The following FILIP1L variants were observed in gnomAD, a reference collection of about 807,000 sequenced individuals.
The protein encoded by FILIP1L is filamin A interacting protein 1 like, also known as filamin A-interacting protein 1-like.
Under a neutral mutation model 96.6 loss-of-function variants are expected in FILIP1L, and 55 were observed. The ratio of observed to expected loss-of-function variants is 0.57; its 90% confidence interval spans 0.46 to 0.71. The LOEUF (loss-of-function observed/expected upper bound fraction) is 0.71, where lower values mean the gene tolerates loss of function less well. FILIP1L is among the 30% of genes least tolerant of loss of function. FILIP1L has a pLI of 0.00. For synonymous variants in FILIP1L, 467 were observed against 473.9 expected (o/e 0.99, Z 0.19); for missense variants, 1,304 against 1,321.2 (o/e 0.99, Z 0.20).
At chr3:99,907,593 G>A (rs181018635) in intron 4 of FILIP1L, among the ~76,000 whole-genome samples, 62 of 152,210 alleles carry the variant, frequency 4.1e-4, no homozygotes, top group South Asian at 2.1e-3. Context: ...ACATAACATT[G>A]CACCCATAGC....
At chr3:100,062,404 C>G (rs914911293) in intron 1 of FILIP1L, among the ~76,000 whole-genome samples, 3 of 152,100 alleles carry the variant, frequency 2.0e-5, no homozygotes, top group African/African-American at 7.2e-5. Flanking sequence ...AGCCACCGCG[C>G]CCGGTCTATC....
At chr3:100,098,208 A>G (rs2066244318) in intron 1 of FILIP1L, among the ~76,000 whole-genome samples, 1 of 152,208 alleles carries the variant, frequency 6.6e-6, no homozygotes, top group Non-Finnish European at 1.5e-5. Context: ...ACATTTTATG[A>G]CAGGTAAAAA....
chr3:99,974,645 T>G (rs1490790434), intron 1 of FILIP1L, among the ~76,000 whole-genome samples: 3 of 151,984 alleles, frequency 2.0e-5, no homozygotes, highest in African/African-American at 7.3e-5. Context: ...AGGCGGAGGT[T>G]GTGATGAGCC....
intron 1 of FILIP1L, among the ~76,000 whole-genome samples, chr3:100,004,128 G>A (rs1159130426): frequency 6.6e-6 from 1 of 152,108 alleles, no homozygotes; most frequent in Non-Finnish European, 1.5e-5. Context: ...CCTGCATGAT[G>A]CCTTCCTAGG....
intron 1 of FILIP1L, among the ~76,000 whole-genome samples, chr3:100,109,192 C>A (rs1196513864): frequency 1.3e-5 from 2 of 151,384 alleles, no homozygotes; most frequent in Non-Finnish European, 2.9e-5. Flanking sequence ...TTTAAGGGTT[C>A]TTTTTCTTTT....
At chr3:100,076,283 C>T (rs1299281433) in intron 1 of FILIP1L, among the ~76,000 whole-genome samples, 2 of 152,114 alleles carry the variant, frequency 1.3e-5, no homozygotes, top group African/African-American at 2.4e-5. Flanking sequence ...ATATATTTTT[C>T]CCTCTCTAAA....
At chr3:100,081,631 G>A (rs1416499370) in intron 1 of FILIP1L, among the ~76,000 whole-genome samples, 1 of 152,166 alleles carries the variant, frequency 6.6e-6, no homozygotes, top group East Asian at 1.9e-4. Flanking sequence ...CCAGTATAGT[G>A]TGATTTTATG....
At chr3:99,846,426 A>G (rs1319675835) in intron 5 of FILIP1L, among the ~76,000 whole-genome samples, 1 of 152,248 alleles carries the variant, frequency 6.6e-6, no homozygotes, top group African/African-American at 2.4e-5. Context: ...CAGCAGCATT[A>G]TCATTGTCTG....
chr3:99,988,185 C>T (rs1709402015), intron 1 of FILIP1L, among the ~76,000 whole-genome samples: 1 of 151,488 alleles, frequency 6.6e-6, no homozygotes, highest in Non-Finnish European at 1.5e-5. Context: ...TTTAATCCAA[C>T]CATATATTCT....
chr3:100,033,450 T>C (rs1021112299), intron 1 of FILIP1L, among the ~76,000 whole-genome samples: 2 of 152,190 alleles, frequency 1.3e-5, no homozygotes, highest in Non-Finnish European at 2.9e-5. Context: ...CTTTGTGTTA[T>C]CTTCTTGAAG....
chr3:99,941,906 G>A (rs912777787), intron 1 of FILIP1L, among the ~76,000 whole-genome samples: 2 of 152,156 alleles, frequency 1.3e-5, no homozygotes, highest in African/African-American at 4.8e-5. Flanking sequence ...ATGTTGCCTT[G>A]ATAGCAGCTG....
At chr3:99,932,608 T>TAA (rs1707518893) in intron 1 of FILIP1L, among the ~76,000 whole-genome samples, 1 of 152,128 alleles carries the variant, frequency 6.6e-6, no homozygotes, top group South Asian at 2.1e-4. Context: ...ATTGACCCAT[T>TAA]GCCAGGCACA....
Position 99,849,184 on chromosome 3 carries a change from C to T in FILIP1L, c.2492G>A (p.Ser831Asn), listed in dbSNP as rs555030281. 3.7e-6 allele frequency: 6 copies of T among 1,614,178 alleles called. No individual in the cohort carries two copies. In the East Asian group the frequency reaches 8.9e-5, roughly 24 times the overall value. The change falls in exon 5 of 6, where the codon AGT becomes AAT. Residue 831 changes from serine to asparagine, a missense_variant. Transcript: ENST00000477258. ...ATTAGGGTCCTCGTCTTGATTCTCACTCTCCTCATATAACTGACCATTGAT... is the reference window on the plus strand; with the variant it reads ...ATTAGGGTCCTCGTCTTGATTCTCATTCTCCTCATATAACTGACCATTGAT... ...AVINGQLYEESENQDEDPNDE... is the reference protein window; with the variant it reads ...AVINGQLYEENENQDEDPNDE...
chr3:99,884,264 C>G (rs920556769), intron 4 of FILIP1L, among the ~76,000 whole-genome samples: 11 of 152,250 alleles, frequency 7.2e-5, no homozygotes, highest in African/African-American at 2.6e-4. Context: ...CCTTCTTTCT[C>G]CTTGTCTTCT....
chr3:99,920,488 A>G (rs1707091025), intron 4 of FILIP1L, among the ~76,000 whole-genome samples: 2 of 152,256 alleles, frequency 1.3e-5, no homozygotes, highest in South Asian at 2.1e-4. Flanking sequence ...AGCCAAGTAC[A>G]TAATTCAGGT....
chr3:100,106,069 A>G (rs1392791873), intron 1 of FILIP1L, among the ~76,000 whole-genome samples: 10 of 152,156 alleles, frequency 6.6e-5, no homozygotes, highest in South Asian at 2.1e-4. Context: ...TAAAATATCC[A>G]TATGTGCTGT....
In FILIP1L at chr3:99,850,162, T is replaced by C. The variant is rs779751852; in HGVS notation, c.1514A>G (p.Lys505Arg). 10 of 1,610,846 alleles carry C rather than the reference T, an allele frequency of 6.2e-6. No individual in the cohort carries two copies. In the Admixed American group the frequency reaches 1.7e-4, roughly 27 times the overall value. ...TLTVMFVDER[K>R]TMSEKLKKTE... ...TTTCTTTAATTTTTCACTCATTGTT[T>C]TCCGTTCATCTACAAACATCACAGT... Residue 505 changes from lysine (K) to arginine (R), a missense_variant, in exon 5 of 6, where the codon AAA (lysine) becomes AGA (arginine). Physicochemically the swap from Lys to Arg is conservative, Grantham distance 26 (BLOSUM62 2). Transcript: ENST00000477258.
intron 1 of FILIP1L, among the ~76,000 whole-genome samples, chr3:99,962,378 A>G (rs779679127): frequency 7.9e-5 from 12 of 152,172 alleles, no homozygotes; most frequent in African/African-American, 1.4e-4. Context: ...CATAATTACT[A>G]TGGGCAACAT....
intron 1 of FILIP1L, among the ~76,000 whole-genome samples, chr3:100,096,504 C>A (rs182325918): frequency 1.1e-4 from 17 of 152,034 alleles, no homozygotes; most frequent in African/African-American, 3.9e-4. Context: ...TGAAATAAGC[C>A]ACGCACAAAA....
Sources: gnomAD v4.1 joint callset for allele counts (sites outside exome capture counted in the v4.1 genomes callset) on GRCh38, gnomAD v4.1.1 for gene constraint, MANE v1.5 for transcripts, NCBI Gene and HGNC (gene_info 2026-07-23, HGNC 2026-07-21) for gene names.